Variants in EYS observed in about 807,000 individuals in gnomAD.
The protein encoded by EYS is EGF-like photoreceptor maintenance factor, also known as protein eyes shut homolog.
EYS carries 250 observed loss-of-function variants against 282.1 expected under a neutral mutation model. The observed-to-expected ratio is 0.89, with a 90% CI of 0.80 to 0.98. The LOEUF (loss-of-function observed/expected upper bound fraction) is 0.98, where lower values mean the gene tolerates loss of function less well. Among genes scored for constraint, EYS ranks in the 50% least tolerant of loss-of-function variants. EYS has a pLI of 0.00. For synonymous variants in EYS, 1,355 were observed against 1,282.9 expected (o/e 1.06, Z -1.20); for missense variants, 4,016 against 3,709.0 (o/e 1.08, Z -2.15).
chr6:65,152,080 C>A (rs576799768), intron 12 of EYS, among the ~76,000 whole-genome samples: 123 of 152,046 alleles, frequency 8.1e-4, no homozygotes, highest in African/African-American at 2.7e-3. Context: ...AGGCCACGAA[C>A]CAGCATAATA....
intron 1 of EYS, among the ~76,000 whole-genome samples, chr6:65,673,009 T>C (rs1233253451): frequency 6.6e-6 from 1 of 151,958 alleles, no homozygotes; most frequent in Non-Finnish European, 1.5e-5. Context: ...GAGAAGGAAT[T>C]TCACAAGGTA....
chr6:64,603,860 C>CGTGTGTGTGTGTGTGTGT (rs1380323953), intron 24 of EYS, among the ~76,000 whole-genome samples: 1 of 98,318 alleles, frequency 1.0e-5, no homozygotes, highest in African/African-American at 3.7e-5. Context: ...TAAATGAATA[C>CGTGTGTGTGTGTGTGTGT]CTGTGTGTGT....
chr6:63,817,288 C>G (rs901207382), intron 36 of EYS, among the ~76,000 whole-genome samples: 2 of 152,174 alleles, frequency 1.3e-5, no homozygotes, highest in African/African-American at 4.8e-5. Flanking sequence ...GTGAGGCCAC[C>G]TAGAGGATAG....
intron 36 of EYS, among the ~76,000 whole-genome samples, chr6:63,859,897 G>A (rs1408890204): frequency 6.6e-6 from 1 of 152,124 alleles, no homozygotes; most frequent in Admixed American, 6.6e-5. Context: ...AACATATTAA[G>A]ATGGTAGATA....
chr6:64,169,431 G>GTT (rs35657029), intron 31 of EYS, among the ~76,000 whole-genome samples: 1 of 140,954 alleles, frequency 7.1e-6, no homozygotes, highest in African/African-American at 2.8e-5. Flanking sequence ...TTGAGGAGGA[G>GTT]TTTTTTTTTT....
chr6:64,963,346 G>T (rs1769986921), intron 14 of EYS, among the ~76,000 whole-genome samples: 1 of 152,128 alleles, frequency 6.6e-6, no homozygotes, highest in Admixed American at 6.5e-5. Context: ...CCAGGATGTA[G>T]TGAGCCCTAT....
intron 31 of EYS, among the ~76,000 whole-genome samples, chr6:64,096,421 C>T (rs1027908541): frequency 1.3e-5 from 2 of 152,164 alleles, no homozygotes; most frequent in African/African-American, 4.8e-5. Flanking sequence ...TTCACATAGT[C>T]CCATATTTCT....
chr6:64,570,093 T>C (rs1191460708), intron 26 of EYS, among the ~76,000 whole-genome samples: 1 of 152,180 alleles, frequency 6.6e-6, no homozygotes. Context: ...ACAATGGATG[T>C]CTCTGAAGAA....
At chr6:65,008,844 C>A (rs1158114549) in intron 13 of EYS, among the ~76,000 whole-genome samples, 1 of 152,138 alleles carries the variant, frequency 6.6e-6, no homozygotes, top group Non-Finnish European at 1.5e-5. Flanking sequence ...ACCGGTGCGG[C>A]CTTCTCAGTC....
At chr6:64,387,971 T>C (rs968070228) in intron 29 of EYS, among the ~76,000 whole-genome samples, 2 of 152,248 alleles carry the variant, frequency 1.3e-5, no homozygotes, top group East Asian at 3.9e-4. Flanking sequence ...AATAGCATTT[T>C]ATATTTCCAA....
chr6:64,881,077 T>G (rs1431981087), intron 19 of EYS, among the ~76,000 whole-genome samples: 1 of 151,724 alleles, frequency 6.6e-6, no homozygotes, highest in African/African-American at 2.4e-5. Flanking sequence ...TTACTACATC[T>G]ATTGAGACAC....
intron 12 of EYS, among the ~76,000 whole-genome samples, chr6:65,182,209 A>T (rs956813899): frequency 1.3e-5 from 2 of 151,114 alleles, no homozygotes; most frequent in African/African-American, 4.8e-5. Flanking sequence ...AGTATAATAA[A>T]AATATATATA....
At chr6:65,656,560 A>C (rs982115820) in intron 1 of EYS, among the ~76,000 whole-genome samples, 3 of 151,900 alleles carry the variant, frequency 2.0e-5, no homozygotes, top group Admixed American at 2.0e-4. Context: ...AATTACGTGA[A>C]GACAGAGAGA....
At chr6:64,434,908 C>T (rs1234943541) in intron 28 of EYS, among the ~76,000 whole-genome samples, 2 of 151,966 alleles carry the variant, frequency 1.3e-5, no homozygotes, top group Non-Finnish European at 2.9e-5. Context: ...CTTCATGATA[C>T]CAATCTGTCA....
intron 28 of EYS, among the ~76,000 whole-genome samples, chr6:64,429,863 T>A (rs770864715): frequency 1.3e-5 from 2 of 152,196 alleles, no homozygotes; most frequent in African/African-American, 2.4e-5. Context: ...TGAAAATCAA[T>A]TGTTCATTTT....
intron 19 of EYS, among the ~76,000 whole-genome samples, chr6:64,844,645 C>A (rs1023652187): frequency 6.6e-6 from 1 of 152,004 alleles, no homozygotes; most frequent in African/African-American, 2.4e-5. Flanking sequence ...CTTTTTGAAA[C>A]CCTCTTTAGG....
At position 64,736,588 on chromosome 6, in the gene EYS, G is replaced by A. The variant is rs188752685; in HGVS notation, c.3443+76790C>T. On this transcript the variant is annotated intron_variant, in intron 22 of 42. Coordinates refer to ENST00000503581, the MANE Select transcript of EYS (RefSeq NM_001142800.2). The stretch of plus-strand genomic sequence containing the variant: ...TTGTTCCTCCCTTTGGCCCATTCTC[G>A]TAATTGTTACTATTTTATCTTTTCT... Among the ~76,000 whole-genome samples the A allele has an allele frequency of 9.9e-4, 151 of 152,152 alleles. 1 individual carries two copies. The highest frequency in any genetic ancestry group is 3.3e-3 in the African/African-American group (135 of 41,530).
chr6:65,475,318 C>A (rs1402392881), intron 5 of EYS, among the ~76,000 whole-genome samples: 1 of 152,056 alleles, frequency 6.6e-6, no homozygotes, highest in Non-Finnish European at 1.5e-5. Flanking sequence ...GATAAAAGAG[C>A]TACTGCTTTT....
chr6:63,955,187 C>T (rs1289732841), intron 35 of EYS, among the ~76,000 whole-genome samples: 2 of 152,156 alleles, frequency 1.3e-5, no homozygotes, highest in South Asian at 2.1e-4. Context: ...GTTTGGCCTT[C>T]CCACCTCTAT....
Sources: gnomAD v4.1 joint callset for allele counts (sites outside exome capture counted in the v4.1 genomes callset) on GRCh38, gnomAD v4.1.1 for gene constraint, MANE v1.5 for transcripts, NCBI Gene and HGNC (gene_info 2026-07-23, HGNC 2026-07-21) for gene names.